Variants in SIAE observed in about 807,000 individuals in gnomAD.
SIAE encodes sialate O-acetylesterase.
A neutral mutation model predicts 52.6 loss-of-function variants in SIAE; 39 were observed. The observed-to-expected ratio is 0.74, with a 90% confidence interval of 0.57 to 0.97. The LOEUF (loss-of-function observed/expected upper bound fraction) is 0.97, where lower values mean the gene tolerates loss of function less well. Among genes scored for constraint, SIAE ranks in the 50% least tolerant of loss-of-function variants. The pLI is 0.00. For synonymous variants in SIAE, 233 were observed against 241.4 expected (o/e 0.97, Z 0.32); for missense variants, 592 against 662.1 (o/e 0.89, Z 1.16).
At chr11:124,650,600 C>G (rs1943003224) in intron 4 of SIAE, among the ~76,000 whole-genome samples, 1 of 151,946 alleles carries the variant, frequency 6.6e-6, no homozygotes, top group South Asian at 2.1e-4. Flanking sequence ...TGATGAAACC[C>G]CGTCTCTACC....
rs1400960282 is a variant in SIAE at position 124,669,532 on chromosome 11, T to A, written c.68-11A>T. 1.9e-6 allele frequency: 3 copies of A among 1,611,798 alleles called. No homozygotes were observed. In the African/African-American group the frequency reaches 4.0e-5, roughly 22 times the overall value. On this transcript the variant is annotated splice_polypyrimidine_tract_variant and intron_variant, in intron 1 of 9. Transcript: ENST00000263593. ...AGCGAAAACCAATACCTAAAAAATT[T>A]AACAAACACTGAGGGAAGCATCATC...
At chr11:124,646,919 T>C (rs1443882254) in intron 7 of SIAE, among the ~76,000 whole-genome samples, 1 of 152,234 alleles carries the variant, frequency 6.6e-6, no homozygotes, top group Non-Finnish European at 1.5e-5. Context: ...AGATTAATAT[T>C]TATTGACATG....
intron 2 of SIAE, among the ~76,000 whole-genome samples, chr11:124,666,875 CTG>C (rs1943279520): frequency 6.6e-6 from 1 of 152,222 alleles, no homozygotes; most frequent in Admixed American, 6.5e-5. Context: ...TTCACAATCA[CTG>C]TAAAGGAAAA....
At chr11:124,637,319 C>T in intron 9 of SIAE, 117 bp from the exon 10 acceptor site, 1 of 1,437,086 alleles carries the variant, frequency 7.0e-7, no homozygotes, top group Non-Finnish European at 9.7e-7. Context: ...CACCAAGGAC[C>T]TACTCCTACA....
At chr11:124,642,582 T>G (rs913875697) in intron 7 of SIAE, among the ~76,000 whole-genome samples, 11 of 152,154 alleles carry the variant, frequency 7.2e-5, no homozygotes, top group Admixed American at 5.2e-4. Context: ...GCTATGAGGA[T>G]ATCTGGGTAT....
intron 3 of SIAE, among the ~76,000 whole-genome samples, 164 bp from the exon 4 acceptor site, chr11:124,654,957 C>G (rs888681587): frequency 2.0e-5 from 3 of 151,872 alleles, no homozygotes; most frequent in African/African-American, 7.3e-5. Context: ...CCACTTTTAC[C>G]AAAAGAGACC....
rs1324513782 is a variant in SIAE, at chr11:124,634,196, TG to T, written c.*2754del. 2.0e-5 allele frequency: 3 copies of T among 152,042 alleles called. No homozygotes were observed. Among genetic ancestry groups the T allele is most frequent in the Non-Finnish European group, 2.9e-5 (2 of 68,056 alleles). 9.4% of individuals were successfully genotyped at this position (152,042 alleles called of 1,614,324 possible). On this transcript the variant is annotated 3_prime_UTR_variant, in exon 10 of 10. Coordinates refer to ENST00000263593, the MANE Select transcript of SIAE (RefSeq NM_170601.5). Reference sequence around the variant, plus strand: ...AAAAATACAAAAAATTAGCCAGGCGTGGTGGCACGCGCCTGTAGTCCCAGCT... The same window carrying T: ...AAAAATACAAAAAATTAGCCAGGCGTGTGGCACGCGCCTGTAGTCCCAGCT...
At chr11:124,638,827 T>C in intron 8 of SIAE, 90 bp from the exon 9 acceptor site, 1 of 1,023,926 alleles carries the variant, frequency 9.8e-7, no homozygotes, top group South Asian at 1.4e-5. Flanking sequence ...AAGCACCCTT[T>C]ATGAAAGTAA....
rs766807907 is a variant in SIAE at position 124,636,578 on chromosome 11, T to C, written c.*373A>G. ...TTATAAAGAACACATGAACACTAGC[T>C]GGCCTATGTGGCCTTTAAAATCTCT... On this transcript the variant is annotated 3_prime_UTR_variant, in exon 10 of 10. Coordinates refer to ENST00000263593, the MANE Select transcript of SIAE (RefSeq NM_170601.5). 4.8e-5 allele frequency: 15 copies of C among 313,822 alleles called. No individual in the cohort carries two copies. Among genetic ancestry groups the C allele is most frequent in the Non-Finnish European group, 8.0e-5 (13 of 162,698 alleles). 19.4% of individuals were successfully genotyped at this position (313,822 alleles called of 1,614,324 possible). A position where few individuals can be genotyped will look rare whatever the true frequency, so the allele number is the denominator to read the frequency against.
intron 4 of SIAE, among the ~76,000 whole-genome samples, chr11:124,653,842 G>C (rs751538910): frequency 6.6e-6 from 1 of 152,230 alleles, no homozygotes; most frequent in Non-Finnish European, 1.5e-5. Flanking sequence ...GGTCACTGCT[G>C]TATCCCTGGG....
At chr11:124,666,665 C>T (rs1362690043) in intron 2 of SIAE, among the ~76,000 whole-genome samples, 2 of 152,162 alleles carry the variant, frequency 1.3e-5, no homozygotes, top group African/African-American at 4.8e-5. Flanking sequence ...AGGATACATC[C>T]CTTTGCAGTG....
chr11:124,656,776 G>A (rs1943107505), intron 3 of SIAE, among the ~76,000 whole-genome samples: 1 of 151,990 alleles, frequency 6.6e-6, no homozygotes, highest in African/African-American at 2.4e-5. Context: ...CCAAAACAAA[G>A]GGCCAACGGG....
At chr11:124,647,244 A>C in intron 7 of SIAE, 121 bp downstream of exon 7, 1 of 1,360,296 alleles carries the variant, frequency 7.4e-7, no homozygotes, top group Non-Finnish European at 1.0e-6. Flanking sequence ...ACAAAAAAGG[A>C]AGATGAAATC....
intron 7 of SIAE, among the ~76,000 whole-genome samples, chr11:124,644,577 C>G (rs1236314412): frequency 6.6e-6 from 1 of 152,168 alleles, no homozygotes; most frequent in Non-Finnish European, 1.5e-5. Context: ...TACAGTGGGG[C>G]GCTAATCCGT....
chr11:124,648,187 T>C lies in SIAE; in HGVS notation c.723-12A>G, dbSNP rs1482008950. 2.5e-6 allele frequency: 4 copies of C among 1,600,826 alleles called. No homozygotes were observed. The highest frequency in any genetic ancestry group is 2.6e-6 in the Non-Finnish European group (3 of 1,168,082). On this transcript the variant is annotated splice_polypyrimidine_tract_variant and intron_variant, in intron 5 of 9. Coordinates refer to ENST00000263593, the MANE Select transcript of SIAE (RefSeq NM_170601.5). Reference sequence around the variant, plus strand: ...CGTATGGAATGGACCTGAAATCATATGATGCACAAGTGTCACCAGAGAGCC... The same window carrying C: ...CGTATGGAATGGACCTGAAATCATACGATGCACAAGTGTCACCAGAGAGCC...
At position 124,660,790 on chromosome 11, in the gene SIAE, C is replaced by A. The variant is rs776823250; in HGVS notation, c.243G>T (p.Thr81=). 6.2e-7 allele frequency: 1 copy of A among 1,614,104 alleles called. No individual in the cohort carries two copies. The highest frequency in any genetic ancestry group is 8.5e-7 in the Non-Finnish European group (1 of 1,179,980). The change falls in exon 3 of 10, where the codon ACG becomes ACT. Residue 81 remains threonine, a synonymous_variant. Transcript: ENST00000263593. ...KVTSVKAHSD[T]WMVVLDPMKP... Reference sequence around the variant, plus strand: ...TCATAGGATCCAGTACCACCATCCACGTATCAGAGTGAGCTGAAATAGTAA... The same window carrying A: ...TCATAGGATCCAGTACCACCATCCAAGTATCAGAGTGAGCTGAAATAGTAA...
chr11:124,671,925 C>T (rs1371943711), intron 1 of SIAE, among the ~76,000 whole-genome samples: 1 of 144,934 alleles, frequency 6.9e-6, no homozygotes, highest in Non-Finnish European at 1.5e-5. Context: ...CCACACCTGG[C>T]TAATTCTTTT....
At chr11:124,656,805 T>G (rs924735092) in intron 3 of SIAE, among the ~76,000 whole-genome samples, 43 of 152,158 alleles carry the variant, frequency 2.8e-4, no homozygotes, top group African/African-American at 9.9e-4. Context: ...GAAGCCCAGT[T>G]ACCGCTTGCC....
upstream of SIAE, chr11:124,674,135 C>T (rs1943423983): frequency 4.8e-6 from 1 of 207,408 alleles, no homozygotes; most frequent in Non-Finnish European, 9.9e-6. Flanking sequence ...CTAGACCCGT[C>T]TGCCCCCTCC....
Sources: allele counts gnomAD v4.1 joint callset (sites outside exome capture counted in the v4.1 genomes callset), GRCh38; gene constraint gnomAD v4.1.1; transcripts MANE v1.5; gene names NCBI Gene and HGNC (gene_info 2026-07-23, HGNC 2026-07-21).